Variants in TAS2R1 observed in about 807,000 individuals in gnomAD.
The protein encoded by TAS2R1 is taste 2 receptor member 1.
For synonymous variants in TAS2R1, 141 were observed against 134.2 expected (o/e 1.05, Z -0.35); for missense variants, 370 against 353.4 (o/e 1.05, Z -0.38).
chr5:9,693,672 T>C (rs867391461), intron 1 of TAS2R1, among the ~76,000 whole-genome samples: 3 of 151,842 alleles, frequency 2.0e-5, no homozygotes, highest in South Asian at 2.1e-4. Context: ...CAAATACATT[T>C]CTTAAATTTC....
At chr5:9,680,931 C>A (rs1740982488) in intron 1 of TAS2R1, among the ~76,000 whole-genome samples, 1 of 151,996 alleles carries the variant, frequency 6.6e-6, no homozygotes, top group Non-Finnish European at 1.5e-5. Flanking sequence ...GGTATGGTGG[C>A]AGGGGCCTGT....
chr5:9,675,682 T>C (rs1740860630), intron 1 of TAS2R1, among the ~76,000 whole-genome samples: 1 of 152,196 alleles, frequency 6.6e-6, no homozygotes, highest in Non-Finnish European at 1.5e-5. Context: ...CCCAAAGTGC[T>C]GGGATTACAG....
the TAS2R1 span, among the ~76,000 whole-genome samples, chr5:9,770,357 G>A: frequency 6.6e-6 from 1 of 152,030 alleles, no homozygotes; most frequent in African/African-American, 2.4e-5. Flanking sequence ...TTCCAGTTTT[G>A]CTCCTTTTGC....
intron 2 of TAS2R1, among the ~76,000 whole-genome samples, chr5:9,639,034 C>T (rs1389015563): frequency 1.3e-5 from 2 of 152,202 alleles, no homozygotes; most frequent in Admixed American, 1.3e-4. Context: ...GCTTTCAGAC[C>T]TAGCCCCTCT....
chr5:9,902,469 T>C, the TAS2R1 span, among the ~76,000 whole-genome samples: 4 of 152,076 alleles, frequency 2.6e-5, no homozygotes, highest in African/African-American at 9.7e-5. Context: ...AATTTGGCTT[T>C]CAATTTCTGG....
chr5:9,632,487 T>C (rs1434503525), upstream of TAS2R1, among the ~76,000 whole-genome samples: 2 of 152,212 alleles, frequency 1.3e-5, no homozygotes, highest in African/African-American at 4.8e-5. Context: ...AAAAGACCTC[T>C]CTGTAGCATG....
chr5:9,767,843 G>A, the TAS2R1 span, among the ~76,000 whole-genome samples: 1 of 141,498 alleles, frequency 7.1e-6, no homozygotes, highest in Non-Finnish European at 1.5e-5. Flanking sequence ...AGAATTGCTT[G>A]AATCCAGGAG....
At chr5:9,873,629 G>A in the TAS2R1 span, among the ~76,000 whole-genome samples, 1 of 151,930 alleles carries the variant, frequency 6.6e-6, no homozygotes, top group East Asian at 1.9e-4. Context: ...CACTTTGGGA[G>A]GCCGAGGCAG....
the TAS2R1 span, among the ~76,000 whole-genome samples, chr5:9,819,182 T>C: frequency 6.6e-6 from 1 of 152,160 alleles, no homozygotes; most frequent in Non-Finnish European, 1.5e-5. Flanking sequence ...AGATGAGGAT[T>C]GCTGAGAGAG....
chr5:9,895,917 C>T, the TAS2R1 span, among the ~76,000 whole-genome samples: 1 of 152,216 alleles, frequency 6.6e-6, no homozygotes, highest in Non-Finnish European at 1.5e-5. Flanking sequence ...GAATTTCAAC[C>T]TCCAACCTGT....
At chr5:9,892,704 G>A in the TAS2R1 span, among the ~76,000 whole-genome samples, 49 of 152,086 alleles carry the variant, frequency 3.2e-4, no homozygotes, top group Non-Finnish European at 3.2e-4. Context: ...AACTGTCTGC[G>A]GAAAAGCGCC....
upstream of TAS2R1, among the ~76,000 whole-genome samples, chr5:9,633,265 T>A (rs990491011): frequency 7.7e-6 from 1 of 129,428 alleles, no homozygotes; most frequent in African/African-American, 3.3e-5. Context: ...TAGTATTCCA[T>A]AGTGTGTGTG....
the TAS2R1 span, among the ~76,000 whole-genome samples, chr5:9,770,524 T>A: frequency 1.0e-3 from 155 of 152,314 alleles, 1 homozygote; most frequent in African/African-American, 3.2e-3. Flanking sequence ...ATTTTAACAA[T>A]ATTGATTCTT....
intron 1 of TAS2R1, among the ~76,000 whole-genome samples, chr5:9,677,911 G>C (rs1416976517): frequency 1.3e-5 from 2 of 152,038 alleles, no homozygotes; most frequent in Non-Finnish European, 2.9e-5. Flanking sequence ...CTAAAAAATG[G>C]AAACAACTAG....
intron 1 of TAS2R1, among the ~76,000 whole-genome samples, chr5:9,704,216 G>A (rs551916869): frequency 1.3e-5 from 2 of 152,198 alleles, no homozygotes; most frequent in East Asian, 3.9e-4. Flanking sequence ...GAGCTTAAGA[G>A]TACCTTAATT....
chr5:9,701,579 A>G (rs1389118170), intron 1 of TAS2R1, among the ~76,000 whole-genome samples: 1 of 152,230 alleles, frequency 6.6e-6, no homozygotes, highest in East Asian at 1.9e-4. Context: ...CAATAGACTG[A>G]CATGAACTAA....
chr5:9,689,758 T>C (rs1331078690), intron 1 of TAS2R1, among the ~76,000 whole-genome samples: 1 of 152,148 alleles, frequency 6.6e-6, no homozygotes, highest in Non-Finnish European at 1.5e-5. Flanking sequence ...CTAGCTGTTA[T>C]ATATTATAAT....
At chr5:9,899,037 C>T in the TAS2R1 span, among the ~76,000 whole-genome samples, 4 of 152,140 alleles carry the variant, frequency 2.6e-5, no homozygotes, top group Admixed American at 2.0e-4. Context: ...ATGTGTATTT[C>T]TCTTTTGGAC....
At chr5:9,726,348 C>T in the TAS2R1 span, among the ~76,000 whole-genome samples, 1 of 152,146 alleles carries the variant, frequency 6.6e-6, no homozygotes, top group Non-Finnish European at 1.5e-5. Flanking sequence ...CAATCAGCGC[C>T]CTGTCAAAAC....
Sources: gnomAD v4.1 joint callset for allele counts (sites outside exome capture counted in the v4.1 genomes callset) on GRCh38, gnomAD v4.1.1 for gene constraint, MANE v1.5 for transcripts, NCBI Gene and HGNC (gene_info 2026-07-23, HGNC 2026-07-21) for gene names.